ADAM9: variants seen among roughly 807,000 people sequenced by gnomAD.
The protein encoded by ADAM9 is disintegrin and metalloproteinase domain-containing protein 9.
A neutral mutation model predicts 108.1 loss-of-function variants in ADAM9; 54 were observed. The observed-to-expected ratio is 0.50, with a 90% CI of 0.40 to 0.63. The LOEUF is 0.63. Among genes scored for constraint, ADAM9 ranks in the 20% least tolerant of loss-of-function variants. ADAM9 has a pLI of 0.00. For synonymous variants in ADAM9, 316 were observed against 336.0 expected (o/e 0.94, Z 0.65); for missense variants, 830 against 997.7 (o/e 0.83, Z 2.26).
Position 39,061,608 on chromosome 8 carries a change from G to C in ADAM9, c.1591+5836G>C, listed in dbSNP as rs1023701961. On this transcript the variant is annotated intron_variant, in intron 14 of 21. Coordinates refer to ENST00000487273, the MANE Select transcript of ADAM9 (RefSeq NM_003816.3). Reference sequence around the variant, plus strand: ...AATGCCACAGACCGGGTAATTAATAGTGAACAGAAATTTATTGGCTTCTGG... The same window carrying C: ...AATGCCACAGACCGGGTAATTAATACTGAACAGAAATTTATTGGCTTCTGG... Among the ~76,000 whole-genome samples the C allele has an allele frequency of 2.6e-5, 4 of 152,164 alleles. No individual in the cohort carries two copies. In the East Asian group the frequency reaches 7.7e-4, roughly 29 times the overall value.
chr8:39,063,106 C>T (rs1838348863), intron 14 of ADAM9, among the ~76,000 whole-genome samples: 1 of 152,228 alleles, frequency 6.6e-6, no homozygotes, highest in Non-Finnish European at 1.5e-5. Flanking sequence ...TTATGTTCCT[C>T]CCACCATTAT....
chr8:39,020,662 A>G (rs1156924469), intron 7 of ADAM9, among the ~76,000 whole-genome samples: 7 of 152,118 alleles, frequency 4.6e-5, no homozygotes, highest in Non-Finnish European at 7.4e-5. Flanking sequence ...TTATTGGTTA[A>G]TCTCTCATTT....
intron 11 of ADAM9, among the ~76,000 whole-genome samples, chr8:39,029,103 A>G (rs1837018567): frequency 6.6e-6 from 1 of 150,444 alleles, no homozygotes; most frequent in Non-Finnish European, 1.5e-5. Flanking sequence ...CATTTTCCCA[A>G]GGGAAGAGCC....
At chr8:39,067,425 C>T (rs1367682721) in intron 14 of ADAM9, among the ~76,000 whole-genome samples, 1 of 151,982 alleles carries the variant, frequency 6.6e-6, no homozygotes. Context: ...TCTTTTATTT[C>T]ATTGAGCAGT....
At chr8:39,077,438 A>G (rs764940798) in intron 16 of ADAM9, 27 bp downstream of exon 16, 52 of 1,573,510 alleles carry the variant, frequency 3.3e-5, no homozygotes, top group Non-Finnish European at 4.2e-5. Flanking sequence ...TTATTTACAA[A>G]GTAAAATGAA....
Position 39,104,475 on chromosome 8 carries a change from T to C in ADAM9, c.*775T>C. The C allele has an allele frequency of 7.7e-6, 3 of 389,752 alleles. No homozygotes were observed. The highest frequency in any genetic ancestry group is 5.9e-5 in the South Asian group (3 of 51,102). The allele number at this position is 389,752 out of a possible 1,614,324, so 24.1% of individuals were successfully genotyped here. On this transcript the variant is annotated 3_prime_UTR_variant, in exon 22 of 22. Coordinates refer to ENST00000487273, the MANE Select transcript of ADAM9 (RefSeq NM_003816.3). ...GCACTATTTTAAATAAATTATAAGC[T>C]TTAAGGTACGAAGTATTTAATAGAT...
At chr8:39,006,466 G>A (rs1272839224) in intron 1 of ADAM9, among the ~76,000 whole-genome samples, 1 of 150,996 alleles carries the variant, frequency 6.6e-6, no homozygotes, top group Admixed American at 6.7e-5. Flanking sequence ...AATCTGAGGG[G>A]TATTAGGAAA....
intron 12 of ADAM9, among the ~76,000 whole-genome samples, chr8:39,050,703 A>C (rs114001866): frequency 3.4e-4 from 52 of 152,234 alleles, no homozygotes; most frequent in African/African-American, 1.1e-3. Context: ...AGTGTCTACA[A>C]TATGCTGGAG....
At chr8:39,047,176 T>C (rs983882225) in intron 12 of ADAM9, among the ~76,000 whole-genome samples, 2 of 152,224 alleles carry the variant, frequency 1.3e-5, no homozygotes, top group African/African-American at 4.8e-5. Flanking sequence ...ATTTTACTTT[T>C]AATGTGCTGC....
intron 11 of ADAM9, among the ~76,000 whole-genome samples, chr8:39,035,511 A>C (rs1393984739): frequency 6.6e-6 from 1 of 152,116 alleles, no homozygotes; most frequent in East Asian, 1.9e-4. Context: ...TGTTATATTT[A>C]AAATTTTTTT....
At position 38,997,115 on chromosome 8, in the gene ADAM9, C is replaced by T; in HGVS notation, c.52C>T (p.Leu18=). The change falls in exon 1 of 22, where the codon CTG becomes TTG. Residue 18 remains leucine (L), a synonymous_variant. Coordinates refer to ENST00000487273, the MANE Select transcript of ADAM9 (RefSeq NM_003816.3). ...PSGTLRVRWL[L]LLGLVGPVLG... is the part of the protein sequence containing the mutation. ...GGGGACCCTTCGTGTCCGGTGGTTG[C>T]TGTTGCTTGGCCTGGTGGGCCCAGT... The T allele has an allele frequency of 1.2e-6, 2 of 1,605,408 alleles. No individual in the cohort carries two copies.
chr8:39,014,516 G>C (rs1271655286), intron 4 of ADAM9: 2 of 701,558 alleles, frequency 2.9e-6, no homozygotes, highest in Admixed American at 4.0e-5. Context: ...CTGCATCAGA[G>C]AACAGAGTAC....
intron 20 of ADAM9, among the ~76,000 whole-genome samples, chr8:39,095,071 T>A (rs576426039): frequency 6.6e-6 from 1 of 152,306 alleles, no homozygotes; most frequent in South Asian, 2.1e-4. Flanking sequence ...TTAGAATTGC[T>A]TTTTCTGTGT....
At chr8:39,016,431 A>G (rs750702116) in intron 5 of ADAM9, among the ~76,000 whole-genome samples, 22 of 152,086 alleles carry the variant, frequency 1.4e-4, no homozygotes, top group Non-Finnish European at 2.9e-4. Flanking sequence ...CCACTAAATC[A>G]TTTTTGCTAT....
intron 11 of ADAM9, among the ~76,000 whole-genome samples, chr8:39,041,632 C>G (rs1313696165): frequency 2.6e-5 from 4 of 152,188 alleles, no homozygotes; most frequent in Admixed American, 2.6e-4. Context: ...ACTTTATTCT[C>G]ATAGGACTAA....
In ADAM9 at chr8:39,007,875, C is replaced by T; in HGVS notation, c.98-11C>T. On this transcript the variant is annotated splice_polypyrimidine_tract_variant and intron_variant, in intron 1 of 21. Transcript: ENST00000487273. ...TTTCACTTATTATATTTGTTTTTGCCTTTTCTGTAGGCTTTCAACAGACCT... is the reference window on the plus strand; with the variant it reads ...TTTCACTTATTATATTTGTTTTTGCTTTTTCTGTAGGCTTTCAACAGACCT... 4 of 1,590,458 alleles carry T rather than the reference C, an allele frequency of 2.5e-6. No homozygotes were observed. Among genetic ancestry groups the T allele is most frequent in the Non-Finnish European group, 3.4e-6 (4 of 1,160,722 alleles).
intron 1 of ADAM9, among the ~76,000 whole-genome samples, chr8:38,999,754 T>C (rs987792604): frequency 3.3e-5 from 5 of 152,228 alleles, no homozygotes; most frequent in African/African-American, 1.2e-4. Context: ...AGCTTTAACT[T>C]ACCAAATTTA....
At chr8:39,026,591 A>G in intron 10 of ADAM9, 86 bp from the exon 11 acceptor site, 1 of 1,562,906 alleles carries the variant, frequency 6.4e-7, no homozygotes, top group Non-Finnish European at 8.8e-7. Flanking sequence ...TAGTGAATAA[A>G]TTTCCTTTTG....
intron 16 of ADAM9, among the ~76,000 whole-genome samples, chr8:39,079,661 T>A (rs1838958681): frequency 6.6e-6 from 1 of 151,362 alleles, no homozygotes; most frequent in Non-Finnish European, 1.5e-5. Flanking sequence ...GCAATCTCAG[T>A]GCAACCTCCG....
Sources: gnomAD v4.1 joint callset for allele counts (sites outside exome capture counted in the v4.1 genomes callset) on GRCh38, gnomAD v4.1.1 for gene constraint, MANE v1.5 for transcripts, NCBI Gene and HGNC (gene_info 2026-07-23, HGNC 2026-07-21) for gene names.